Variants in ENPP6 observed in about 807,000 individuals in gnomAD.
The protein encoded by ENPP6 is ectonucleotide pyrophosphatase/phosphodiesterase 6, also known as glycerophosphocholine cholinephosphodiesterase ENPP6.
ENPP6 carries 32 observed loss-of-function variants against 42.0 expected under a neutral mutation model. That is an observed-to-expected ratio of 0.76 (90% CI 0.58 to 1.02). The LOEUF is 1.02. ENPP6 is among the 50% of genes least tolerant of loss of function. ENPP6 has a pLI of 0.00. For missense variants in ENPP6, 552 were observed against 566.8 expected (o/e 0.97, Z 0.27); for synonymous variants, 213 against 216.0 (o/e 0.99, Z 0.12).
chr4:184,215,759 T>G (rs949549789), intron 1 of ENPP6, among the ~76,000 whole-genome samples: 9 of 152,154 alleles, frequency 5.9e-5, no homozygotes, highest in African/African-American at 1.7e-4. Context: ...CGGGCCAGCC[T>G]CAGTTTGAAA....
intron 1 of ENPP6, among the ~76,000 whole-genome samples, chr4:184,212,645 T>G (rs1733131857): frequency 6.6e-6 from 1 of 151,710 alleles, no homozygotes; most frequent in Non-Finnish European, 1.5e-5. Context: ...ATCAATATCA[T>G]GAAAATGGCC....
intron 4 of ENPP6, 54 bp from the exon 5 acceptor site, chr4:184,117,089 T>G: frequency 6.3e-7 from 1 of 1,592,276 alleles, no homozygotes; most frequent in Non-Finnish European, 8.6e-7. Flanking sequence ...GCTCGTGCAC[T>G]CAGAAAACCT....
intron 5 of ENPP6, among the ~76,000 whole-genome samples, chr4:184,113,549 G>C (rs1339595470): frequency 1.3e-5 from 2 of 152,062 alleles, no homozygotes; most frequent in African/African-American, 4.8e-5. Flanking sequence ...ATGTCAAAAC[G>C]CCCATGCTCT....
intron 6 of ENPP6, among the ~76,000 whole-genome samples, chr4:184,108,661 TAAA>T (rs1375628250): frequency 6.6e-6 from 1 of 152,210 alleles, no homozygotes; most frequent in African/African-American, 2.4e-5. Context: ...GTCTTAATAA[TAAA>T]AATTTGTAAA....
rs528964241 is a variant in ENPP6, at chr4:184,123,589, G to A, written c.533+572C>T. Among the ~76,000 whole-genome samples, 3 of 152,224 alleles carry A rather than the reference G, an allele frequency of 2.0e-5. No individual in the cohort carries two copies. The South Asian group carries it at 6.2e-4, about 32-fold the overall frequency. ...CAGAGATTTCTGAGACTGACTTCAG[G>A]CTTTGTCCTGAACTGTCTTGATCAG... On this transcript the variant is annotated intron_variant, in intron 3 of 7. Transcript: ENST00000296741.
intron 6 of ENPP6, among the ~76,000 whole-genome samples, chr4:184,101,312 G>A (rs76712806): frequency 9.1e-4 from 19 of 20,986 alleles, no homozygotes; most frequent in African/African-American, 3.6e-3. Context: ...GCTTGTGTGT[G>A]TGTGTGTGTG....
intron 2 of ENPP6, 26 bp from the exon 3 acceptor site, chr4:184,124,298 G>A (rs551073079): frequency 1.3e-6 from 2 of 1,553,798 alleles, no homozygotes; most frequent in Non-Finnish European, 1.8e-6. Flanking sequence ...ATGGCAAATA[G>A]TTACTCTCTT....
At chr4:184,122,128 A>T (rs1736425445) in intron 3 of ENPP6, among the ~76,000 whole-genome samples, 1 of 152,182 alleles carries the variant, frequency 6.6e-6, no homozygotes, top group Admixed American at 6.5e-5. Flanking sequence ...GGCAATATGA[A>T]GACCCCATGA....
chr4:184,108,410 G>A (rs2111338371), intron 6 of ENPP6, among the ~76,000 whole-genome samples: 1 of 152,336 alleles, frequency 6.6e-6, no homozygotes, highest in Admixed American at 6.5e-5. Flanking sequence ...GAGAAGTTTA[G>A]CGAATAGGAA....
intron 1 of ENPP6, among the ~76,000 whole-genome samples, chr4:184,202,409 G>A (rs1366919569): frequency 1.3e-5 from 2 of 152,188 alleles, no homozygotes; most frequent in Non-Finnish European, 2.9e-5. Context: ...GATAGATGCG[G>A]TGAAGTCTGG....
At chr4:184,098,153 G>C (rs866333434) in intron 6 of ENPP6, among the ~76,000 whole-genome samples, 1 of 152,190 alleles carries the variant, frequency 6.6e-6, no homozygotes, top group African/African-American at 2.4e-5. Context: ...TCAGTGATTT[G>C]TCCTAGTGAG....
chr4:184,129,802 A>G (rs551515080), intron 2 of ENPP6, among the ~76,000 whole-genome samples: 2 of 152,366 alleles, frequency 1.3e-5, no homozygotes, highest in East Asian at 3.9e-4. Flanking sequence ...GAAAAAAGCT[A>G]CAAAATAGTA....
chr4:184,097,137 G>A, intron 7 of ENPP6, 108 bp downstream of exon 7: 3 of 1,508,782 alleles, frequency 2.0e-6, no homozygotes, highest in Non-Finnish European at 2.7e-6. Context: ...GGCTCATAAA[G>A]AGGGTCTGTA....
intron 2 of ENPP6, among the ~76,000 whole-genome samples, chr4:184,143,726 G>C (rs1736870119): frequency 6.6e-6 from 1 of 152,230 alleles, no homozygotes; most frequent in African/African-American, 2.4e-5. Context: ...TGCAGAGAGG[G>C]GGAGGGAAGA....
chr4:184,113,976 T>C (rs1272163997), intron 5 of ENPP6, among the ~76,000 whole-genome samples: 3 of 150,798 alleles, frequency 2.0e-5, no homozygotes, highest in Admixed American at 1.3e-4. Flanking sequence ...TCTTTCTTTC[T>C]TTCTTTTTGA....
intron 3 of ENPP6, 75 bp from the exon 4 acceptor site, chr4:184,117,975 T>G (rs1736353100): frequency 5.9e-6 from 9 of 1,523,090 alleles, no homozygotes; most frequent in Non-Finnish European, 8.0e-6. Flanking sequence ...CCCATAGCAC[T>G]CTCTGAAGGT....
intron 1 of ENPP6, among the ~76,000 whole-genome samples, chr4:184,216,289 G>A (rs951099740): frequency 2.0e-5 from 3 of 152,238 alleles, no homozygotes; most frequent in Admixed American, 2.0e-4. Context: ...TTATCTTAGA[G>A]ACTGTTTTTT....
At chr4:184,112,604 A>G (rs1455882620) in intron 6 of ENPP6, 68 bp downstream of exon 6, 2 of 1,527,072 alleles carry the variant, frequency 1.3e-6, no homozygotes, top group East Asian at 2.3e-5. Context: ...TTGAGTAACT[A>G]TTATTTAACT....
chr4:184,094,716 C>T (rs1735868013), intron 7 of ENPP6, among the ~76,000 whole-genome samples: 1 of 152,270 alleles, frequency 6.6e-6, no homozygotes, highest in Non-Finnish European at 1.5e-5. Flanking sequence ...TGTGGCTGGC[C>T]ACCTGGGGCT....
Sources: allele counts gnomAD v4.1 joint callset (sites outside exome capture counted in the v4.1 genomes callset), GRCh38; gene constraint gnomAD v4.1.1; transcripts MANE v1.5; gene names NCBI Gene and HGNC (gene_info 2026-07-23, HGNC 2026-07-21).